PRAME: variants seen among roughly 807,000 people sequenced by gnomAD.
The protein encoded by PRAME is melanoma antigen preferentially expressed in tumors.
Under a neutral mutation model 32.1 loss-of-function variants are expected in PRAME, and 21 were observed. That is an observed-to-expected ratio of 0.65 (90% CI 0.46 to 0.94). The LOEUF (loss-of-function observed/expected upper bound fraction) is 0.94. PRAME is among the 40% of genes least tolerant of loss of function. The pLI is 0.00. For missense variants in PRAME, 651 were observed against 622.3 expected, an observed-to-expected ratio of 1.05 and a Z score of -0.49; for synonymous variants, 274 against 251.5, an observed-to-expected ratio of 1.09 and a Z score of -0.85.
chr22:22,547,953 A>T lies in PRAME; in HGVS notation c.*114T>A. ...TTTCCTCACTGAACATGTTTTCCTCACTCACACTGAACATTTGTCTGAAAC... is the reference window on the plus strand; with the variant it reads ...TTTCCTCACTGAACATGTTTTCCTCTCTCACACTGAACATTTGTCTGAAAC... On this transcript the variant is annotated 3_prime_UTR_variant, in exon 6 of 6. Transcript: ENST00000405655. 8.7e-7 allele frequency: 1 copy of T among 1,154,720 alleles called. No individual in the cohort carries two copies. Among genetic ancestry groups the T allele is most frequent in the Non-Finnish European group, 1.2e-6 (1 of 808,130 alleles). 71.5% of individuals were successfully genotyped at this position (1,154,720 alleles called of 1,614,324 possible).
chr22:22,553,892 C>A (rs928652435), intron 3 of PRAME: 26 of 985,032 alleles, frequency 2.6e-5, no homozygotes, highest in Non-Finnish European at 3.1e-5. Context: ...CAGGTCAGGC[C>A]TTTACCACAA....
rs1372260163 is a variant in PRAME at position 22,548,429 on chromosome 22, T to A, written c.1168A>T (p.Ile390Phe). 3 of 1,613,570 alleles carry A rather than the reference T, an allele frequency of 1.9e-6. No individual in the cohort carries two copies. Among genetic ancestry groups the A allele is most frequent in the Non-Finnish European group, 2.5e-6 (3 of 1,179,932 alleles). ...LQDLVFDECG[I>F]TDDQLLALLP... is the part of the protein sequence containing the mutation. ...AGGGCAAGGAGCTGATCATCCGTGATCCCACACTCATCAAAGACCAGGTCC... is the reference window on the plus strand; with the variant it reads ...AGGGCAAGGAGCTGATCATCCGTGAACCCACACTCATCAAAGACCAGGTCC... Residue 390 changes from isoleucine (I) to phenylalanine (F), a missense_variant, in exon 6 of 6, where the codon ATC (isoleucine) becomes TTC (phenylalanine). By Grantham distance (21) the Ile-to-Phe change is conservative. Transcript: ENST00000405655.
intron 3 of PRAME, among the ~76,000 whole-genome samples, chr22:22,551,977 T>C (rs1383167739): frequency 2.6e-5 from 4 of 151,488 alleles, no homozygotes; most frequent in African/African-American, 9.7e-5. Flanking sequence ...TCTTGTATAC[T>C]AGATATCTTG....
intron 3 of PRAME, among the ~76,000 whole-genome samples, chr22:22,554,724 G>A (rs1244462906): frequency 1.3e-5 from 2 of 152,018 alleles, no homozygotes; most frequent in African/African-American, 4.8e-5. Flanking sequence ...CCTTATGTGA[G>A]GAGTTTAGAA....
intron 3 of PRAME, chr22:22,552,988 G>T (rs1442672390): frequency 4.3e-6 from 2 of 468,198 alleles, no homozygotes; most frequent in South Asian, 3.1e-5. Flanking sequence ...TACATTCCTG[G>T]ATCTCCAGCC....
intron 3 of PRAME, among the ~76,000 whole-genome samples, chr22:22,552,062 G>C (rs2062610880): frequency 6.7e-6 from 1 of 149,644 alleles, no homozygotes; most frequent in Non-Finnish European, 1.5e-5. Context: ...GTGGGAGAAT[G>C]GTTTGAGCCC....
chr22:22,555,529 T>C (rs2062852871), intron 3 of PRAME, among the ~76,000 whole-genome samples: 1 of 151,952 alleles, frequency 6.6e-6, no homozygotes, highest in East Asian at 2.0e-4. Flanking sequence ...TGAGCCACCA[T>C]GCCCAGCCTC....
chr22:22,554,408 A>G lies in PRAME; in HGVS notation c.21+2404T>C, dbSNP rs187493046. On this transcript the variant is annotated intron_variant, in intron 3 of 5. Transcript: ENST00000405655. ...CTTTCTCCTACTTTTCACCCTCAAC[A>G]CCTAATGGCCTTTGTGAAAACCGGG... Among the ~76,000 whole-genome samples, 11 of 152,062 alleles carry G rather than the reference A, an allele frequency of 7.2e-5. 1 individual carries two copies. In the East Asian group the frequency reaches 1.4e-3, roughly 19 times the overall value.
chr22:22,549,781 C>G lies in PRAME; in HGVS notation c.898G>C (p.Ala300Pro). Residue 300 changes from alanine (A) to proline (P), a missense_variant, in exon 5 of 6, where the codon GCT becomes CCT. Coordinates refer to ENST00000405655, the MANE Select transcript of PRAME (RefSeq NM_206956.3). ...SQFLSLQCLQ[A>P]LYVDSLFFLR... is the part of the protein sequence containing the mutation. ...AAAAATAAAGAGTCCACATAGAGAG[C>G]CTGCAGGCACTGCAGACTGAGGAAC... The G allele has an allele frequency of 6.2e-7, 1 of 1,613,566 alleles. No homozygotes were observed. The highest frequency in any genetic ancestry group is 8.5e-7 in the Non-Finnish European group (1 of 1,179,852).
Position 22,550,275 on chromosome 22 carries a change from A to C in PRAME, c.404T>G (p.Val135Gly), listed in dbSNP as rs1277679814. 1.2e-6 allele frequency: 2 copies of C among 1,613,794 alleles called. No individual in the cohort carries two copies. The highest frequency in any genetic ancestry group is 1.3e-5 in the African/African-American group (1 of 74,950). ...CAGACTGGCCCTGTTTCCAGACCAT[A>C]CAGTCCAGAAGTCCTGATGAGAGTT... ...RKNSHQDFWT[V>G]WSGNRASLYS... The change falls in exon 5 of 6, where the codon GTA (valine) becomes GGA (glycine). Residue 135 changes from valine to glycine, a missense_variant. Val to Gly is a moderately radical substitution (Grantham distance 109, BLOSUM62 -3). Transcript: ENST00000405655.
intron 3 of PRAME, among the ~76,000 whole-genome samples, chr22:22,555,110 T>C (rs747573898): frequency 1.3e-4 from 19 of 151,942 alleles, no homozygotes; most frequent in African/African-American, 4.1e-4. Flanking sequence ...CAGACATGAA[T>C]TGGGGAGATA....
Position 22,549,789 on chromosome 22 carries a change from C to T in PRAME, c.890G>A (p.Cys297Tyr). ...AGAGTCCACATAGAGAGCCTGCAGG[C>T]ACTGCAGACTGAGGAACTGAGAGGT... ...QFTSQFLSLQ[C>Y]LQALYVDSLF... The change falls in exon 5 of 6, where the codon TGC becomes TAC. Residue 297 changes from cysteine (C) to tyrosine (Y), a missense_variant. Physicochemically the swap from Cys to Tyr is radical, Grantham distance 194. Transcript: ENST00000405655. The T allele has an allele frequency of 1.2e-6, 2 of 1,613,612 alleles. No individual in the cohort carries two copies. Among genetic ancestry groups the T allele is most frequent in the Non-Finnish European group, 8.5e-7 (1 of 1,179,784 alleles).
chr22:22,557,449 C>G (rs2062997179), intron 2 of PRAME, 96 bp downstream of exon 2: 1 of 154,552 alleles, frequency 6.5e-6, no homozygotes, highest in Admixed American at 6.3e-5. Flanking sequence ...AACCCATTTC[C>G]AGAGAGAAAA....
Position 22,558,498 on chromosome 22 carries a change from G to A in PRAME, c.-114+473C>T, listed in dbSNP as rs1042131132. On this transcript the variant is annotated intron_variant, in intron 1 of 5. Coordinates refer to ENST00000405655, the MANE Select transcript of PRAME (RefSeq NM_206956.3). ...GGATGTGTAAGAAAAACAAAGGGTT[G>A]GGGAGGGGGAGGGAAAAGAGGCAGA... Among the ~76,000 whole-genome samples, 717 of 101,790 alleles carry A rather than the reference G, an allele frequency of 7.0e-3. 17 individuals carry two copies. Among genetic ancestry groups the A allele is most frequent in the Admixed American group, 0.036 (353 of 9,830 alleles). The allele number at this position is 101,790 out of a possible 152,430, so 66.8% of individuals were successfully genotyped here.
chr22:22,555,498 A>G (rs575197278), intron 3 of PRAME, among the ~76,000 whole-genome samples: 1 of 151,846 alleles, frequency 6.6e-6, no homozygotes, highest in Non-Finnish European at 1.5e-5. Flanking sequence ...TAGGCCTCCC[A>G]AAGTGTTGAG....
At chr22:22,552,153 TG>T (rs1477990540) in intron 3 of PRAME, among the ~76,000 whole-genome samples, 1 of 147,764 alleles carries the variant, frequency 6.8e-6, no homozygotes, top group African/African-American at 2.5e-5. Context: ...AGAAAGAAAA[TG>T]TCTTTAATTC....
chr22:22,558,657 G>A (rs2063144112), intron 1 of PRAME, among the ~76,000 whole-genome samples: 1 of 117,262 alleles, frequency 8.5e-6, no homozygotes, highest in Non-Finnish European at 2.0e-5. Context: ...AAAAGGGGGT[G>A]CGGTGGGCGA....
intron 4 of PRAME, 52 bp from the exon 5 acceptor site, chr22:22,550,386 A>G: frequency 1.9e-6 from 3 of 1,574,766 alleles, no homozygotes; most frequent in Non-Finnish European, 2.6e-6. Context: ...GATCAACTCA[A>G]AATAAGACCA....
intron 5 of PRAME, among the ~76,000 whole-genome samples, 197 bp downstream of exon 5, chr22:22,549,529 A>T (rs2062442341): frequency 6.6e-6 from 1 of 151,894 alleles, no homozygotes. Flanking sequence ...ATCTATCCTA[A>T]TGTATACCTC....
Sources: allele counts gnomAD v4.1 joint callset (sites outside exome capture counted in the v4.1 genomes callset), GRCh38; gene constraint gnomAD v4.1.1; transcripts MANE v1.5; gene names NCBI Gene and HGNC (gene_info 2026-07-23, HGNC 2026-07-21).